The following MAP3K1 variants were observed in gnomAD, a reference collection of about 807,000 sequenced individuals.
MAP3K1 encodes MAP/ERK kinase kinase 1.
MAP3K1 carries 36 observed loss-of-function variants against 144.2 expected under a neutral mutation model. The ratio of observed to expected loss-of-function variants is 0.25; its 90% CI spans 0.19 to 0.33. The LOEUF is 0.33. Among genes scored for constraint, MAP3K1 ranks in the 10% least tolerant of loss-of-function variants. The pLI, the probability that MAP3K1 is intolerant of heterozygous loss-of-function variation, is 1.00. For missense variants in MAP3K1, 1,650 were observed against 1,881.9 expected (o/e 0.88, Z 2.28); for synonymous variants, 718 against 688.7 (o/e 1.04, Z -0.67).
Position 56,815,825 on chromosome 5 carries a change from G to A in MAP3K1, c.252G>A (p.Pro84=), listed in dbSNP as rs1488910216. ...PEQPLFLAAS[P]PASSTSPSPE... is the part of the protein sequence containing the mutation. ...AGCCGCTCTTCCTTGCCGCCTCACC[G>A]CCGGCCTCCTCGACTTCCCCGTCGC... Residue 84 remains proline, a synonymous_variant, in exon 1 of 20, where the codon CCG becomes CCA. Transcript: ENST00000399503. 1 of 1,417,058 alleles carries A rather than the reference G, an allele frequency of 7.1e-7. No homozygotes were observed. Among genetic ancestry groups the A allele is most frequent in the Non-Finnish European group, 9.2e-7 (1 of 1,081,892 alleles). The allele number at this position is 1,417,058 out of a possible 1,614,324, so 87.8% of individuals were successfully genotyped here. A position where few individuals can be genotyped will look rare whatever the true frequency, so the allele number is the denominator to read the frequency against.
At chr5:56,854,676 T>C (rs930259785) in intron 1 of MAP3K1, among the ~76,000 whole-genome samples, 7 of 152,258 alleles carry the variant, frequency 4.6e-5, no homozygotes, top group Admixed American at 3.9e-4. Flanking sequence ...GAAAGATTTG[T>C]TTAGACAAGG....
In MAP3K1 at chr5:56,881,921, T is replaced by C; in HGVS notation, c.2721T>C (p.His907=). ...TENSSPECTV[H]LEKTGKGLCA... is the part of the protein sequence containing the mutation. ...ACAGTTCCCCTGAGTGCACAGTCCA[T>C]TTAGAGAAAACTGGAAAAGGATTAT... The change falls in exon 14 of 20, where the codon CAT becomes CAC. Residue 907 remains histidine (H), a synonymous_variant. Transcript: ENST00000399503. 1 of 1,614,004 alleles carries C rather than the reference T, an allele frequency of 6.2e-7. No individual in the cohort carries two copies.
At chr5:56,831,539 G>A (rs536689404) in intron 1 of MAP3K1, among the ~76,000 whole-genome samples, 2 of 152,188 alleles carry the variant, frequency 1.3e-5, no homozygotes, top group Admixed American at 1.3e-4. Flanking sequence ...CCAACTATCA[G>A]GCAGGCATTT....
chr5:56,864,779 G>T lies in MAP3K1; in HGVS notation c.880G>T (p.Asp294Tyr), dbSNP rs1396675825. ...ACCACCCCGAAGAGCCCCTTCACCA[G>T]ATGGCTTCTCACCATATAGCCCTGA... The part of the protein sequence containing the change: ...ITPPRRAPSP[D>Y]GFSPYSPEET... The change falls in exon 4 of 20, where the codon GAT becomes TAT. Residue 294 changes from aspartate (D) to tyrosine (Y), a missense_variant. Asp to Tyr is a radical substitution (Grantham distance 160, BLOSUM62 -3). Coordinates refer to ENST00000399503, the MANE Select transcript of MAP3K1 (RefSeq NM_005921.2). The T allele has an allele frequency of 1.2e-6, 2 of 1,614,120 alleles. No homozygotes were observed. Among genetic ancestry groups the T allele is most frequent in the Non-Finnish European group, 1.7e-6 (2 of 1,180,018 alleles).
At position 56,875,268 on chromosome 5, in the gene MAP3K1, G is replaced by A. The variant is rs886041049; in HGVS notation, c.1923G>A (p.Met641Ile). 6.2e-7 allele frequency: 1 copy of A among 1,614,088 alleles called. No homozygotes were observed. Among genetic ancestry groups the A allele is most frequent in the Non-Finnish European group, 8.5e-7 (1 of 1,180,010 alleles). Residue 641 changes from methionine (M) to isoleucine (I), a missense_variant, in exon 10 of 20, where the codon ATG (methionine) becomes ATA (isoleucine). Transcript: ENST00000399503. ...AGGCATGCTGCAGCGTTCTGTCAAT[G>A]GTCTGTGCTGACCCTGTCTACAAAG... ...VVEACCSVLSMVCADPVYKVY... is the reference protein window; with the variant it reads ...VVEACCSVLSIVCADPVYKVY...
intron 6 of MAP3K1, among the ~76,000 whole-genome samples, chr5:56,870,974 T>C (rs1306897639): frequency 6.6e-6 from 1 of 152,212 alleles, no homozygotes; most frequent in African/African-American, 2.4e-5. Context: ...TGGTTTTCTG[T>C]GCCATTATCA....
intron 19 of MAP3K1, 108 bp downstream of exon 19, chr5:56,888,465 TAAATA>T: frequency 1.1e-6 from 1 of 940,666 alleles, no homozygotes. Flanking sequence ...TGAAGGTAAA[TAAATA>T]GTCTGTATAT....
intron 1 of MAP3K1, among the ~76,000 whole-genome samples, chr5:56,836,265 T>C (rs1177935722): frequency 6.6e-6 from 1 of 152,168 alleles, no homozygotes; most frequent in Admixed American, 6.6e-5. Flanking sequence ...TTGTCGCTTT[T>C]AAATACCTCA....
intron 1 of MAP3K1, among the ~76,000 whole-genome samples, chr5:56,824,046 C>T (rs1473810269): frequency 6.6e-6 from 1 of 152,202 alleles, no homozygotes; most frequent in African/African-American, 2.4e-5. Flanking sequence ...GATAACCCTA[C>T]TTCATCCAAA....
At chr5:56,874,734 G>A (rs1747968159) in intron 9 of MAP3K1, among the ~76,000 whole-genome samples, 1 of 152,138 alleles carries the variant, frequency 6.6e-6, no homozygotes, top group Non-Finnish European at 1.5e-5. Context: ...TGGTAAGCAT[G>A]TGGGACAGTA....
intron 11 of MAP3K1, 35 bp downstream of exon 11, chr5:56,879,136 T>G: frequency 6.2e-7 from 1 of 1,613,510 alleles, no homozygotes; most frequent in Non-Finnish European, 8.5e-7. Context: ...TCAAACCCTC[T>G]TGTCTTAAAA....
At chr5:56,877,729 C>G (rs1452778274) in intron 10 of MAP3K1, among the ~76,000 whole-genome samples, 2 of 152,122 alleles carry the variant, frequency 1.3e-5, no homozygotes, top group Non-Finnish European at 2.9e-5. Context: ...AGCTAAACTG[C>G]AGACTTTATT....
chr5:56,859,556 A>T, intron 2 of MAP3K1, 159 bp from the exon 3 acceptor site: 1 of 617,418 alleles, frequency 1.6e-6, no homozygotes, highest in Non-Finnish European at 2.9e-6. Flanking sequence ...TTTTACATTA[A>T]TAGCTTAAAG....
At chr5:56,826,166 C>T (rs528364200) in intron 1 of MAP3K1, among the ~76,000 whole-genome samples, 1 of 152,114 alleles carries the variant, frequency 6.6e-6, no homozygotes, top group East Asian at 1.9e-4. Context: ...AATACTCTTT[C>T]CAGCTCCGTG....
At chr5:56,847,617 C>A (rs1747038830) in intron 1 of MAP3K1, among the ~76,000 whole-genome samples, 1 of 152,186 alleles carries the variant, frequency 6.6e-6, no homozygotes, top group Non-Finnish European at 1.5e-5. Flanking sequence ...TAACACTTTT[C>A]CTGCAAGGCA....
intron 1 of MAP3K1, among the ~76,000 whole-genome samples, chr5:56,826,025 G>A (rs1244188846): frequency 1.3e-5 from 2 of 151,228 alleles, no homozygotes; most frequent in Non-Finnish European, 2.9e-5. Flanking sequence ...AAGAAGTATT[G>A]GCATGAATAC....
At chr5:56,880,565 G>A in intron 11 of MAP3K1, 146 bp from the exon 12 acceptor site, 1 of 700,212 alleles carries the variant, frequency 1.4e-6, no homozygotes, top group South Asian at 1.5e-5. Flanking sequence ...TGGTGACATT[G>A]TTAATATGAT....
At chr5:56,823,036 A>C (rs1218980068) in intron 1 of MAP3K1, among the ~76,000 whole-genome samples, 1 of 152,180 alleles carries the variant, frequency 6.6e-6, no homozygotes, top group African/African-American at 2.4e-5. Context: ...TGTCCGTTCC[A>C]ATCTGTATTA....
At chr5:56,851,367 T>C (rs976677076) in intron 1 of MAP3K1, among the ~76,000 whole-genome samples, 1 of 152,166 alleles carries the variant, frequency 6.6e-6, no homozygotes, top group Non-Finnish European at 1.5e-5. Flanking sequence ...TTTATTTCAT[T>C]CCAAATTAAA....
Sources: allele counts gnomAD v4.1 joint callset (sites outside exome capture counted in the v4.1 genomes callset), GRCh38; gene constraint gnomAD v4.1.1; transcripts MANE v1.5; gene names NCBI Gene and HGNC (gene_info 2026-07-23, HGNC 2026-07-21).